TSHZ2: variants seen among roughly 807,000 people sequenced by gnomAD.
TSHZ2 encodes the protein teashirt homolog 2.
Under a neutral mutation model 74.4 loss-of-function variants are expected in TSHZ2, and 21 were observed. The ratio of observed to expected loss-of-function variants is 0.28; its 90% CI spans 0.20 to 0.41. The LOEUF is 0.41. Among genes scored for constraint, TSHZ2 ranks in the 10% least tolerant of loss-of-function variants. TSHZ2 has a pLI of 1.00. For synonymous variants in TSHZ2, 540 were observed against 515.3 expected, an observed-to-expected ratio of 1.05 and a Z score of -0.65; for missense variants, 1,244 against 1,293.5, an observed-to-expected ratio of 0.96 and a Z score of 0.59.
At chr20:53,155,977 A>G (rs944510182) in intron 1 of TSHZ2, among the ~76,000 whole-genome samples, 2 of 152,156 alleles carry the variant, frequency 1.3e-5, no homozygotes, top group African/African-American at 2.4e-5. Flanking sequence ...GAGGTTTTAC[A>G]TATGTCTCTA....
At chr20:53,325,232 G>A (rs1170736148) in intron 2 of TSHZ2, among the ~76,000 whole-genome samples, 1 of 152,148 alleles carries the variant, frequency 6.6e-6, no homozygotes, top group Non-Finnish European at 1.5e-5. Flanking sequence ...GAATTTTCTT[G>A]GAGCACTGCT....
chr20:53,300,143 C>T (rs1991453582), intron 2 of TSHZ2, among the ~76,000 whole-genome samples: 1 of 152,208 alleles, frequency 6.6e-6, no homozygotes, highest in Admixed American at 6.5e-5. Flanking sequence ...AGCAAACCCT[C>T]ACTACCTGTT....
At chr20:53,480,314 C>T (rs6013705) in intron 2 of TSHZ2, among the ~76,000 whole-genome samples, 30,268 of 151,732 alleles carry the variant, frequency 0.2, 3,161 homozygotes, top group East Asian at 0.3. Context: ...GGTGATCCAC[C>T]TGCCTCAGCC....
intron 1 of TSHZ2, among the ~76,000 whole-genome samples, chr20:53,162,252 G>A (rs1048711587): frequency 6.6e-6 from 1 of 152,152 alleles, no homozygotes; most frequent in Non-Finnish European, 1.5e-5. Context: ...TTCCTCTAAA[G>A]AACTTCACGG....
chr20:53,084,877 A>G lies in TSHZ2; in HGVS notation c.40+111544A>G, dbSNP rs542640836. On this transcript the variant is annotated intron_variant, in intron 1 of 2. Transcript: ENST00000371497. Reference sequence around the variant, plus strand: ...TAGCTTTTCTGAAAGCAATTTACTGAGAAAGTAAGATGCTTGGGTTTTTTC... The same window carrying G: ...TAGCTTTTCTGAAAGCAATTTACTGGGAAAGTAAGATGCTTGGGTTTTTTC... Among the ~76,000 whole-genome samples, 11 of 152,208 alleles carry G rather than the reference A, an allele frequency of 7.2e-5. No individual in the cohort carries two copies. In the South Asian group the frequency reaches 1.5e-3, roughly 20 times the overall value.
chr20:53,033,575 A>G (rs981132947), intron 1 of TSHZ2, among the ~76,000 whole-genome samples: 2 of 151,514 alleles, frequency 1.3e-5, no homozygotes, highest in African/African-American at 2.4e-5. Context: ...TGGCTGGCAC[A>G]TAGAAGGTGC....
chr20:53,072,830 A>G (rs1985216784), intron 1 of TSHZ2, among the ~76,000 whole-genome samples: 1 of 152,156 alleles, frequency 6.6e-6, no homozygotes, highest in Non-Finnish European at 1.5e-5. Flanking sequence ...AATGGGATCA[A>G]CCATTAGCCT....
rs1985707152 is a variant in TSHZ2, at chr20:53,469,634, G to GGA, written c.*9-17510_*9-17509insGA. Among the ~76,000 whole-genome samples the GGA allele has an allele frequency of 5.9e-4, 21 of 35,504 alleles. 1 individual carries two copies. The highest frequency in any genetic ancestry group is 2.8e-3 in the African/African-American group (19 of 6,840). 23.3% of individuals were successfully genotyped at this position (35,504 alleles called of 152,430 possible). ...ATAGATAGAGAGGGAGGAAGGGAGG[G>GGA]AGGAAGGAAGGAAGGAAGGAAGGAA... On this transcript the variant is annotated intron_variant, in intron 2 of 2. Coordinates refer to ENST00000371497, the MANE Select transcript of TSHZ2 (RefSeq NM_173485.6).
intron 2 of TSHZ2, among the ~76,000 whole-genome samples, chr20:53,349,775 T>C (rs1247293663): frequency 6.6e-6 from 1 of 152,182 alleles, no homozygotes; most frequent in African/African-American, 2.4e-5. Flanking sequence ...CAGTGGTATA[T>C]TCATTCTTAT....
At chr20:53,228,827 T>TG (rs1989749804) in intron 1 of TSHZ2, among the ~76,000 whole-genome samples, 1 of 152,106 alleles carries the variant, frequency 6.6e-6, no homozygotes. Flanking sequence ...CATGTCCAGT[T>TG]GGGGGGAAAA....
At chr20:53,205,084 C>A (rs1347581563) in intron 1 of TSHZ2, among the ~76,000 whole-genome samples, 3 of 149,002 alleles carry the variant, frequency 2.0e-5, no homozygotes, top group Admixed American at 1.3e-4. Flanking sequence ...GAGGGAGACT[C>A]CATCTCAAAA....
chr20:53,299,156 A>T (rs1474466181), intron 2 of TSHZ2, among the ~76,000 whole-genome samples: 1 of 152,174 alleles, frequency 6.6e-6, no homozygotes, highest in African/African-American at 2.4e-5. Flanking sequence ...CTGTTCTATA[A>T]AAGAGAGGAA....
intron 1 of TSHZ2, chr20:53,178,285 T>C (rs1278100610): frequency 6.6e-6 from 1 of 152,266 alleles, no homozygotes; most frequent in Admixed American, 6.5e-5. Flanking sequence ...GCTTGCTCTC[T>C]AAACTCATCA....
At chr20:53,083,080 C>A (rs1459691445) in intron 1 of TSHZ2, among the ~76,000 whole-genome samples, 2 of 152,186 alleles carry the variant, frequency 1.3e-5, no homozygotes, top group Non-Finnish European at 2.9e-5. Flanking sequence ...GCAACCTAAC[C>A]TTCTGTGTAT....
intron 1 of TSHZ2, among the ~76,000 whole-genome samples, chr20:53,117,468 G>A (rs569258662): frequency 1.6e-4 from 25 of 152,318 alleles, no homozygotes; most frequent in Non-Finnish European, 3.7e-4. Flanking sequence ...CTCCTTCCTG[G>A]TGAAGGGAGA....
Position 53,042,701 on chromosome 20 carries a change from G to GAA in TSHZ2, c.40+69383_40+69384dup, listed in dbSNP as rs5841925. ...ACTACACTATTATGGAAGTAGAGAA[G>GAA]AAAAAAAAAAAAAAAACACTGGAAT... On this transcript the variant is annotated intron_variant, in intron 1 of 2. Transcript: ENST00000371497. 2.7e-3 allele frequency among the ~76,000 whole-genome samples: 352 copies of GAA among 128,506 alleles called. 1 individual carries two copies. The highest frequency in any genetic ancestry group is 3.2e-3 in the East Asian group (15 of 4,662). The allele number at this position is 128,506 out of a possible 152,430, so 84.3% of individuals were successfully genotyped here.
At chr20:53,316,684 C>G (rs778731469) in intron 2 of TSHZ2, among the ~76,000 whole-genome samples, 24 of 151,472 alleles carry the variant, frequency 1.6e-4, no homozygotes, top group Admixed American at 1.4e-3. Flanking sequence ...AAGCTGAACT[C>G]ATTTTGTTAC....
At chr20:53,478,668 A>AAT (rs1986059147) in intron 2 of TSHZ2, among the ~76,000 whole-genome samples, 1 of 150,690 alleles carries the variant, frequency 6.6e-6, no homozygotes, top group Non-Finnish European at 1.5e-5. Flanking sequence ...AAAAATAAAT[A>AAT]AAAAATAAAA....
At chr20:52,977,274 G>C (rs989198106) in intron 1 of TSHZ2, among the ~76,000 whole-genome samples, 2 of 152,038 alleles carry the variant, frequency 1.3e-5, no homozygotes, top group Admixed American at 6.6e-5. Context: ...AAGAGACTAG[G>C]AATCGGGTAG....
Sources: allele counts gnomAD v4.1 joint callset (sites outside exome capture counted in the v4.1 genomes callset), GRCh38; gene constraint gnomAD v4.1.1; transcripts MANE v1.5; gene names NCBI Gene and HGNC (gene_info 2026-07-23, HGNC 2026-07-21).